Variants in OTUD7B observed in about 807,000 individuals in gnomAD.
OTUD7B encodes OTU domain-containing protein 7B.
OTUD7B carries 34 observed loss-of-function variants against 82.2 expected under a neutral mutation model. The ratio of observed to expected loss-of-function variants is 0.41; its 90% CI spans 0.31 to 0.55. OTUD7B has a LOEUF of 0.55. OTUD7B is among the 20% of genes least tolerant of loss of function. The probability of loss-of-function intolerance (pLI) is 0.20; values close to 1 mark genes in which losing one functional copy is unlikely to be tolerated. For synonymous variants in OTUD7B, 398 were observed against 402.7 expected, an observed-to-expected ratio of 0.99 and a Z score of 0.14; for missense variants, 944 against 1,062.1, an observed-to-expected ratio of 0.89 and a Z score of 1.55.
chr1:150,027,431 C>T, the OTUD7B span, among the ~76,000 whole-genome samples: 2 of 151,958 alleles, frequency 1.3e-5, no homozygotes, highest in East Asian at 3.9e-4. Context: ...ACTAAAACTA[C>T]AAAAAATTAG....
chr1:150,000,608 G>C (rs1039201549), intron 1 of OTUD7B, among the ~76,000 whole-genome samples: 3 of 152,042 alleles, frequency 2.0e-5, no homozygotes, highest in African/African-American at 7.3e-5. Flanking sequence ...GCAATGTTGA[G>C]AAAAAAAGTT....
At chr1:150,047,821 G>A in the OTUD7B span, 1 of 152,092 alleles carries the variant, frequency 6.6e-6, no homozygotes, top group Non-Finnish European at 1.5e-5. Context: ...GCATGGTGGT[G>A]CGTCCCTGTA....
chr1:150,054,210 T>C, the OTUD7B span: 3 of 421,416 alleles, frequency 7.1e-6, no homozygotes, highest in South Asian at 4.0e-5. Context: ...ACATATTATC[T>C]TACTGAAGAT....
chr1:149,977,633 T>C lies in OTUD7B; in HGVS notation c.-66-57A>G, dbSNP rs371484611. 530 of 686,792 alleles carry C rather than the reference T, an allele frequency of 7.7e-4. 9 individuals are homozygous for C. The South Asian group carries it at 8.9e-3, about 11-fold the overall frequency. 42.5% of individuals were successfully genotyped at this position (686,792 alleles called of 1,614,324 possible). A position where few individuals can be genotyped will look rare whatever the true frequency, so the allele number is the denominator to read the frequency against. ...TTACACTGGAACAGGATAATCACAG[T>C]CCCATGTCAGCAGCTTCCTAACCAA... On this transcript the variant is annotated intron_variant, in intron 1 of 11. Coordinates refer to ENST00000581312, the MANE Select transcript of OTUD7B (RefSeq NM_020205.4).
intron 1 of OTUD7B, among the ~76,000 whole-genome samples, chr1:149,983,044 A>G (rs1650885294): frequency 6.6e-6 from 1 of 151,600 alleles, no homozygotes; most frequent in Non-Finnish European, 1.5e-5. Context: ...TTTAGTAGAG[A>G]GGGGGTTTCA....
intron 1 of OTUD7B, among the ~76,000 whole-genome samples, chr1:150,002,319 G>A (rs1553785044): frequency 6.6e-6 from 1 of 152,032 alleles, no homozygotes; most frequent in Non-Finnish European, 1.5e-5. Flanking sequence ...AACTTAAAGG[G>A]AGCTTAGTGG....
the OTUD7B span, among the ~76,000 whole-genome samples, chr1:150,045,091 T>TA: frequency 0.54 from 23,350 of 43,210 alleles, 2,273 homozygotes; most frequent in Middle Eastern, 0.57. Context: ...GTTCTTAAAC[T>TA]AAATTTTTTT....
At chr1:150,007,952 C>T (rs1241775592) in intron 1 of OTUD7B, among the ~76,000 whole-genome samples, 1 of 152,182 alleles carries the variant, frequency 6.6e-6, no homozygotes, top group African/African-American at 2.4e-5. Context: ...GAGAGTGCTA[C>T]TCATACACAC....
At chr1:149,956,027 C>A (rs929265726) in intron 7 of OTUD7B, among the ~76,000 whole-genome samples, 23 of 152,064 alleles carry the variant, frequency 1.5e-4, no homozygotes, top group African/African-American at 5.6e-4. Context: ...AGCATTTAGC[C>A]CATTTACATT....
chr1:150,037,052 G>T, the OTUD7B span, among the ~76,000 whole-genome samples: 1 of 152,090 alleles, frequency 6.6e-6, no homozygotes, highest in East Asian at 1.9e-4. Context: ...TTTAAATATG[G>T]CATGTCCTTT....
In OTUD7B at chr1:149,977,594, A is replaced by G; in HGVS notation, c.-66-18T>C. 1 of 941,284 alleles carries G rather than the reference A, an allele frequency of 1.1e-6. No individual in the cohort carries two copies. The highest frequency in any genetic ancestry group is 1.3e-5 in the South Asian group (1 of 75,790). The allele number at this position is 941,284 out of a possible 1,614,324, so 58.3% of individuals were successfully genotyped here. A position where few individuals can be genotyped will look rare whatever the true frequency, so the allele number is the denominator to read the frequency against. On this transcript the variant is annotated intron_variant, in intron 1 of 11. Transcript: ENST00000581312. ...GCCTCCACCTGAGGAATAAATAAATACATAAGGCTCAAATTACACTGGAAC... is the reference window on the plus strand; with the variant it reads ...GCCTCCACCTGAGGAATAAATAAATGCATAAGGCTCAAATTACACTGGAAC...
At chr1:150,013,933 A>AC (rs1559874880), upstream of OTUD7B, among the ~76,000 whole-genome samples, 1 of 2,626 alleles carries the variant, frequency 3.8e-4, no homozygotes, top group Non-Finnish European at 3.2e-3. Context: ...AAAAAAAAAA[A>AC]AATAATATAT....
At chr1:150,046,116 T>C in the OTUD7B span, among the ~76,000 whole-genome samples, 3 of 152,230 alleles carry the variant, frequency 2.0e-5, no homozygotes, top group Non-Finnish European at 4.4e-5. Flanking sequence ...TTAATTCCTA[T>C]GGCCTACAGG....
chr1:150,027,178 C>G, the OTUD7B span, among the ~76,000 whole-genome samples: 1 of 152,138 alleles, frequency 6.6e-6, no homozygotes, highest in African/African-American at 2.4e-5. Flanking sequence ...GAACCTAGCA[C>G]CTGTTAACTA....
the OTUD7B span, among the ~76,000 whole-genome samples, chr1:150,041,199 T>C: frequency 6.6e-6 from 1 of 152,198 alleles, no homozygotes; most frequent in Non-Finnish European, 1.5e-5. Flanking sequence ...TGGTTTGTTA[T>C]ATACTTAGAT....
intron 8 of OTUD7B, 80 bp downstream of exon 8, chr1:149,950,014 T>C (rs1421813031): frequency 6.4e-7 from 1 of 1,568,180 alleles, no homozygotes; most frequent in Non-Finnish European, 8.7e-7. Flanking sequence ...TCCCCTTTCC[T>C]GCCTTCCTTC....
chr1:150,039,618 G>A, the OTUD7B span, among the ~76,000 whole-genome samples: 845 of 152,122 alleles, frequency 5.6e-3, 5 homozygotes, highest in African/African-American at 0.019. Context: ...CCTCGTGATC[G>A]CCTGCCTCGG....
chr1:150,012,965 C>G (rs1653142219), upstream of OTUD7B, among the ~76,000 whole-genome samples: 1 of 152,204 alleles, frequency 6.6e-6, no homozygotes, highest in African/African-American at 2.4e-5. Context: ...ATTCCTGTGT[C>G]TCAGTTTCTC....
chr1:150,029,882 T>C, the OTUD7B span, among the ~76,000 whole-genome samples: 12 of 152,162 alleles, frequency 7.9e-5, no homozygotes, highest in African/African-American at 2.9e-4. Flanking sequence ...CACACCCCTC[T>C]TTTAGCACCA....
Sources: gnomAD v4.1 joint callset for allele counts (sites outside exome capture counted in the v4.1 genomes callset) on GRCh38, gnomAD v4.1.1 for gene constraint, MANE v1.5 for transcripts, NCBI Gene and HGNC (gene_info 2026-07-23, HGNC 2026-07-21) for gene names.